The following PHLDA3 variants were observed in gnomAD, a reference collection of about 807,000 sequenced individuals.
PHLDA3 encodes pleckstrin homology-like domain family A member 3.
PHLDA3 carries 12 observed loss-of-function variants against 7.6 expected under a neutral mutation model. The observed-to-expected ratio is 1.58, with a 90% CI of 1.01 to 2.55. PHLDA3 has a LOEUF of 2.55. Ranked by LOEUF, PHLDA3 falls within the 30% of genes most tolerant of loss-of-function variation. The pLI is 0.00. For synonymous variants in PHLDA3, 104 were observed against 85.1 expected (o/e 1.22, Z -1.23); for missense variants, 177 against 175.6 (o/e 1.01, Z -0.05).
rs899333823 is a variant in PHLDA3 at position 201,468,890 on chromosome 1, C to T, written c.-104G>A. ...GCGCCCCGGGCTGGCAGGCCGTGCG[C>T]GCTGCCCACCTGCGCCCTGACTGCT... is the stretch of plus-strand genomic sequence containing the variant. On this transcript the variant is annotated 5_prime_UTR_variant, in exon 1 of 2. Coordinates refer to ENST00000367311, the MANE Select transcript of PHLDA3 (RefSeq NM_012396.5). 5 of 1,258,900 alleles carry T rather than the reference C, an allele frequency of 4.0e-6. No homozygotes were observed. In the African/African-American group the frequency reaches 6.4e-5, roughly 16 times the overall value. The allele number at this position is 1,258,900 out of a possible 1,614,324, so 78.0% of individuals were successfully genotyped here. A position where few individuals can be genotyped will look rare whatever the true frequency, so the allele number is the denominator to read the frequency against.
In PHLDA3 at chr1:201,468,644, C is replaced by T. The variant is rs770118799; in HGVS notation, c.143G>A (p.Gly48Asp). ...LQLFEAKGTG[G>D]RPKELSFARI... is the part of the protein sequence containing the mutation. ...GGCGAAGCTGAGCTCCTTGGGCCGG[C>T]CGCCCGTGCCCTTGGCCTCGAAGAG... The change falls in exon 1 of 2, where the codon GGC (glycine) becomes GAC (aspartate). Residue 48 changes from glycine to aspartate, a missense_variant. Gly to Asp is a moderately conservative substitution (Grantham distance 94). Transcript: ENST00000367311. 5.0e-6 allele frequency: 8 copies of T among 1,612,970 alleles called. No individual in the cohort carries two copies. In the African/African-American group the frequency reaches 1.1e-4, roughly 22 times the overall value.
rs1037936152 is a variant in PHLDA3 at position 201,468,879 on chromosome 1, C to G, written c.-93G>C. 7 of 1,330,608 alleles carry G rather than the reference C, an allele frequency of 5.3e-6. No homozygotes were observed. Among genetic ancestry groups the G allele is most frequent in the African/African-American group, 1.6e-5 (1 of 64,016 alleles). The allele number at this position is 1,330,608 out of a possible 1,614,324, so 82.4% of individuals were successfully genotyped here. A position where few individuals can be genotyped will look rare whatever the true frequency, so the allele number is the denominator to read the frequency against. ...GCAGGATTCTGGCGCCCCGGGCTGGCAGGCCGTGCGCGCTGCCCACCTGCG... is the reference window on the plus strand; with the variant it reads ...GCAGGATTCTGGCGCCCCGGGCTGGGAGGCCGTGCGCGCTGCCCACCTGCG... On this transcript the variant is annotated 5_prime_UTR_variant, in exon 1 of 2. Transcript: ENST00000367311.
Position 201,468,772 on chromosome 1 carries a change from C to A in PHLDA3, c.15G>T (p.Ala5=), listed in dbSNP as rs759396149. The A allele has an allele frequency of 6.4e-7, 1 of 1,559,796 alleles. No individual in the cohort carries two copies. Among genetic ancestry groups the A allele is most frequent in the Admixed American group, 1.8e-5 (1 of 54,146 alleles). The change falls in exon 1 of 2, where the codon GCG becomes GCT. Residue 5 remains alanine, a synonymous_variant. Coordinates refer to ENST00000367311, the MANE Select transcript of PHLDA3 (RefSeq NM_012396.5). ...CGCCCTCCTTGAGCACGGTAGCCGT[C>A]GCCGCCGCCGTCATGGGCGCCCCGA... is the stretch of plus-strand genomic sequence containing the variant. MTAA[A]TATVLKEGVL...
In PHLDA3 at chr1:201,469,025, G is replaced by A. The variant is rs1663759495; in HGVS notation, c.-239C>T. 1.2e-5 allele frequency: 5 copies of A among 417,624 alleles called. No individual in the cohort carries two copies. Among genetic ancestry groups the A allele is most frequent in the Non-Finnish European group, 2.0e-5 (5 of 244,918 alleles). 25.9% of individuals were successfully genotyped at this position (417,624 alleles called of 1,614,324 possible). A position where few individuals can be genotyped will look rare whatever the true frequency, so the allele number is the denominator to read the frequency against. ...CGCTTCAGCCGGCACCCGCTCCTCC[G>A]CTCTACCCCAGCTGGCCCAGCCCGA... On this transcript the variant is annotated 5_prime_UTR_variant, in exon 1 of 2. Transcript: ENST00000367311.
Position 201,468,891 on chromosome 1 carries a change from G to T in PHLDA3, c.-105C>A. On this transcript the variant is annotated 5_prime_UTR_variant, in exon 1 of 2. Coordinates refer to ENST00000367311, the MANE Select transcript of PHLDA3 (RefSeq NM_012396.5). The stretch of plus-strand genomic sequence containing the variant: ...CGCCCCGGGCTGGCAGGCCGTGCGC[G>T]CTGCCCACCTGCGCCCTGACTGCTC... The T allele has an allele frequency of 8.0e-7, 1 of 1,254,394 alleles. No homozygotes were observed. The highest frequency in any genetic ancestry group is 1.0e-6 in the Non-Finnish European group (1 of 968,448). 77.7% of individuals were successfully genotyped at this position (1,254,394 alleles called of 1,614,324 possible).
At chr1:201,467,925 C>T (rs1422980277) in intron 1 of PHLDA3, among the ~76,000 whole-genome samples, 1 of 152,210 alleles carries the variant, frequency 6.6e-6, no homozygotes, top group Non-Finnish European at 1.5e-5. Context: ...TCCCCACCCT[C>T]GGTTGTCCTC....
rs1028107051 is a variant in PHLDA3, at chr1:201,465,355, T to TGTC, written c.*883_*885dup. The TGTC allele has an allele frequency of 1.3e-5, 2 of 152,584 alleles. No individual in the cohort carries two copies. Among genetic ancestry groups the TGTC allele is most frequent in the African/African-American group, 4.8e-5 (2 of 41,436 alleles). 9.5% of individuals were successfully genotyped at this position (152,584 alleles called of 1,614,324 possible). On this transcript the variant is annotated 3_prime_UTR_variant, in exon 2 of 2. Coordinates refer to ENST00000367311, the MANE Select transcript of PHLDA3 (RefSeq NM_012396.5). ...CTCCTTCCTAGGACCACCAAGGCCC[T>TGTC]GTCTACTGGGGTTTTAGTGTCTCTG...
rs759758607 is a variant in PHLDA3 at position 201,468,362 on chromosome 1, G to A, written c.*41C>T. On this transcript the variant is annotated 3_prime_UTR_variant, in exon 1 of 2. Coordinates refer to ENST00000367311, the MANE Select transcript of PHLDA3 (RefSeq NM_012396.5). The stretch of plus-strand genomic sequence containing the variant: ...TTACCTGCCTTGACCTCAGCACTGA[G>A]GTGGTGGGTAGCATGAAGGAAAGAT... The A allele has an allele frequency of 8.1e-6, 13 of 1,611,640 alleles. No individual in the cohort carries two copies. Among genetic ancestry groups the A allele is most frequent in the African/African-American group, 1.3e-5 (1 of 74,820 alleles).
intron 1 of PHLDA3, chr1:201,467,546 G>A (rs1192327488): frequency 6.6e-6 from 1 of 152,324 alleles, no homozygotes; most frequent in South Asian, 2.1e-4. Flanking sequence ...AGGAGGTAGA[G>A]GTTGCAATGA....
rs1663758136 is a variant in PHLDA3, at chr1:201,468,998, C to T, written c.-212G>A. ...CCCCAGCGCGCTCCGCGCCCACCGCCCCGCTTCAGCCGGCACCCGCTCCTC... is the reference window on the plus strand; with the variant it reads ...CCCCAGCGCGCTCCGCGCCCACCGCTCCGCTTCAGCCGGCACCCGCTCCTC... On this transcript the variant is annotated 5_prime_UTR_variant, in exon 1 of 2. Coordinates refer to ENST00000367311, the MANE Select transcript of PHLDA3 (RefSeq NM_012396.5). The T allele has an allele frequency of 2.2e-6, 1 of 461,856 alleles. No individual in the cohort carries two copies. 28.6% of individuals were successfully genotyped at this position (461,856 alleles called of 1,614,324 possible).
At chr1:201,467,744 C>T (rs1423637986) in intron 1 of PHLDA3, among the ~76,000 whole-genome samples, 1 of 152,054 alleles carries the variant, frequency 6.6e-6, no homozygotes, top group Non-Finnish European at 1.5e-5. Context: ...ACTGAGGCCC[C>T]ACCTTCCACT....
At position 201,468,791 on chromosome 1, in the gene PHLDA3, G is replaced by A; in HGVS notation, c.-5C>T. 6.5e-7 allele frequency: 1 copy of A among 1,539,870 alleles called. No individual in the cohort carries two copies. Among genetic ancestry groups the A allele is most frequent in the South Asian group, 1.2e-5 (1 of 85,024 alleles). ...AGCCGTCGCCGCCGCCGTCATGGGCGCCCCGAGGTTCGCGGAAAGCTCCAG... is the reference window on the plus strand; with the variant it reads ...AGCCGTCGCCGCCGCCGTCATGGGCACCCCGAGGTTCGCGGAAAGCTCCAG... On this transcript the variant is annotated 5_prime_UTR_variant, in exon 1 of 2. Coordinates refer to ENST00000367311, the MANE Select transcript of PHLDA3 (RefSeq NM_012396.5).
At chr1:201,467,064 A>G (rs1478812282) in intron 1 of PHLDA3, among the ~76,000 whole-genome samples, 1 of 152,002 alleles carries the variant, frequency 6.6e-6, no homozygotes, top group African/African-American at 2.4e-5. Flanking sequence ...TAATCTTAGC[A>G]CTTTGGGAGG....
Position 201,468,895 on chromosome 1 carries a change from C to T in PHLDA3, c.-109G>A. On this transcript the variant is annotated 5_prime_UTR_variant, in exon 1 of 2. Transcript: ENST00000367311. Reference sequence around the variant, plus strand: ...CCGGGCTGGCAGGCCGTGCGCGCTGCCCACCTGCGCCCTGACTGCTCCGCG... The same window carrying T: ...CCGGGCTGGCAGGCCGTGCGCGCTGTCCACCTGCGCCCTGACTGCTCCGCG... 1 of 1,203,500 alleles carries T rather than the reference C, an allele frequency of 8.3e-7. No homozygotes were observed. 74.6% of individuals were successfully genotyped at this position (1,203,500 alleles called of 1,614,324 possible).
chr1:201,466,961 C>A (rs1048119168), intron 1 of PHLDA3, among the ~76,000 whole-genome samples: 9 of 152,170 alleles, frequency 5.9e-5, no homozygotes, highest in African/African-American at 2.2e-4. Flanking sequence ...GCGCAGTTGC[C>A]TATCCTTCAG....
Position 201,464,339 on chromosome 1 carries a change from GCCATGGTGGGATTAA to G in PHLDA3, c.*1887_*1901del, listed in dbSNP as rs1313021637. ...GGGTTGCATAAACAGACGCTTATTT[GCCATGGTGGGATTAA>G]GCCACCCATGGACAATTGTACAATT... On this transcript the variant is annotated 3_prime_UTR_variant, in exon 2 of 2. Coordinates refer to ENST00000367311, the MANE Select transcript of PHLDA3 (RefSeq NM_012396.5). The G allele has an allele frequency of 6.6e-6, 1 of 152,186 alleles. No individual in the cohort carries two copies. The highest frequency in any genetic ancestry group is 1.5e-5 in the Non-Finnish European group (1 of 68,032). 9.4% of individuals were successfully genotyped at this position (152,186 alleles called of 1,614,324 possible). A position where few individuals can be genotyped will look rare whatever the true frequency, so the allele number is the denominator to read the frequency against.
chr1:201,468,592 C>T lies in PHLDA3; in HGVS notation c.195G>A (p.Glu65=). 2.5e-6 allele frequency: 4 copies of T among 1,613,798 alleles called. No homozygotes were observed. The highest frequency in any genetic ancestry group is 3.4e-6 in the Non-Finnish European group (4 of 1,180,008). Residue 65 remains glutamate (E), a synonymous_variant, in exon 1 of 2, where the codon GAG becomes GAA. Transcript: ENST00000367311. The stretch of plus-strand genomic sequence containing the variant: ...TGAAGTAGATGTGGCGCCCGGTGCT[C>T]TCCACGCACTCCACGGCCTTGATGC... The part of the protein sequence containing the change: ...FARIKAVECV[E]STGRHIYFTL...
rs1317891142 is a variant in PHLDA3 at position 201,468,335 on chromosome 1, G to A, written c.*62+6C>T. 2.6e-6 allele frequency: 4 copies of A among 1,566,030 alleles called. No homozygotes were observed. The highest frequency in any genetic ancestry group is 1.4e-5 in the African/African-American group (1 of 73,326). On this transcript the variant is annotated splice_donor_region_variant and intron_variant, in intron 1 of 1. Transcript: ENST00000367311. ...GAGAAGAGGGCCCAGTCCCCCGGGG[G>A]CTTACCTGCCTTGACCTCAGCACTG...
In PHLDA3 at chr1:201,469,046, C is replaced by T. The variant is rs1037968775; in HGVS notation, c.-260G>A. 157 of 384,674 alleles carry T rather than the reference C, an allele frequency of 4.1e-4. 2 individuals are homozygous for T. Among genetic ancestry groups the T allele is most frequent in the Non-Finnish European group, 6.1e-4 (134 of 221,022 alleles). The allele number at this position is 384,674 out of a possible 1,614,324, so 23.8% of individuals were successfully genotyped here. The stretch of plus-strand genomic sequence containing the variant: ...CTCCGCTCTACCCCAGCTGGCCCAG[C>T]CCGACCCGCCTCTGCCAGATGCCTC... On this transcript the variant is annotated 5_prime_UTR_variant, in exon 1 of 2. Coordinates refer to ENST00000367311, the MANE Select transcript of PHLDA3 (RefSeq NM_012396.5).
Sources: gnomAD v4.1 joint callset for allele counts (sites outside exome capture counted in the v4.1 genomes callset) on GRCh38, gnomAD v4.1.1 for gene constraint, MANE v1.5 for transcripts, NCBI Gene and HGNC (gene_info 2026-07-23, HGNC 2026-07-21) for gene names.